The following XYLT1 variants were observed in gnomAD, a reference collection of about 807,000 sequenced individuals.
XYLT1 encodes xylosyltransferase 1.
In XYLT1, 36 loss-of-function variants were observed where a neutral mutation model predicts 91.3. The ratio of observed to expected loss-of-function variants is 0.39; its 90% CI spans 0.30 to 0.52. The LOEUF (loss-of-function observed/expected upper bound fraction) is 0.52. XYLT1 is among the 20% of genes least tolerant of loss of function. XYLT1 has a pLI of 0.68. For missense variants in XYLT1, 1,242 were observed against 1,284.5 expected (o/e 0.97, Z 0.51); for synonymous variants, 588 against 532.0 (o/e 1.11, Z -1.45).
Position 17,104,128 on chromosome 16 carries a change from C to T in XYLT1, c.*4567G>A, listed in dbSNP as rs183507143. On this transcript the variant is annotated 3_prime_UTR_variant, in exon 12 of 12. Coordinates refer to ENST00000261381, the MANE Select transcript of XYLT1 (RefSeq NM_022166.4). ...ACTGAGGCAGAAGCAAACAGGACAT[C>T]CCGTGAGCCAGCACAGCTCTATGTG... 3 of 152,930 alleles carry T rather than the reference C, an allele frequency of 2.0e-5. No homozygotes were observed. Among genetic ancestry groups the T allele is most frequent in the East Asian group, 1.9e-4 (1 of 5,176 alleles). 9.5% of individuals were successfully genotyped at this position (152,930 alleles called of 1,614,324 possible). A position where few individuals can be genotyped will look rare whatever the true frequency, so the allele number is the denominator to read the frequency against.
At chr16:17,359,516 G>A (rs977917206) in intron 1 of XYLT1, among the ~76,000 whole-genome samples, 1 of 152,180 alleles carries the variant, frequency 6.6e-6, no homozygotes, top group African/African-American at 2.4e-5. Flanking sequence ...TTAGGAAGAG[G>A]AATTCGTCGT....
chr16:17,303,832 T>G (rs991688236), intron 2 of XYLT1, among the ~76,000 whole-genome samples: 3 of 152,188 alleles, frequency 2.0e-5, no homozygotes, highest in Admixed American at 6.5e-5. Context: ...AGATGAAGAT[T>G]TTTTTTCCCA....
chr16:17,273,009 C>G (rs1357346647), intron 2 of XYLT1, among the ~76,000 whole-genome samples: 1 of 152,124 alleles, frequency 6.6e-6, no homozygotes, highest in Non-Finnish European at 1.5e-5. Context: ...CATCAGAAAC[C>G]CAGCAGGACA....
intron 1 of XYLT1, among the ~76,000 whole-genome samples, chr16:17,443,571 T>G (rs1223994664): frequency 3.9e-5 from 6 of 152,226 alleles, no homozygotes; most frequent in African/African-American, 1.4e-4. Context: ...TATGCGGAAC[T>G]GTGAGTCAAT....
rs540282676 is a variant in XYLT1, at chr16:17,125,472, A to G, written c.2223+2194T>C. On this transcript the variant is annotated intron_variant, in intron 10 of 11. Coordinates refer to ENST00000261381, the MANE Select transcript of XYLT1 (RefSeq NM_022166.4). Reference sequence around the variant, plus strand: ...AGTTTCCTTCTCACTTGCTGCACCCAGTACATTGGTCTCCCTGCAACTCGA... The same window carrying G: ...AGTTTCCTTCTCACTTGCTGCACCCGGTACATTGGTCTCCCTGCAACTCGA... Among the ~76,000 whole-genome samples, 10 of 152,158 alleles carry G rather than the reference A, an allele frequency of 6.6e-5. No homozygotes were observed. The East Asian group carries it at 1.2e-3, about 18-fold the overall frequency.
intron 2 of XYLT1, among the ~76,000 whole-genome samples, chr16:17,314,371 C>T (rs977785884): frequency 3.3e-5 from 5 of 152,126 alleles, no homozygotes; most frequent in Admixed American, 6.5e-5. Flanking sequence ...GTCAGCCCAC[C>T]CCGCTGCACG....
At chr16:17,437,714 C>A (rs4438291) in intron 1 of XYLT1, among the ~76,000 whole-genome samples, 14,200 of 152,050 alleles carry the variant, frequency 0.093, 750 homozygotes, top group Middle Eastern at 0.16. Flanking sequence ...TCCCCATGCA[C>A]CAATTACAGA....
intron 1 of XYLT1, among the ~76,000 whole-genome samples, chr16:17,445,245 C>T (rs2036577698): frequency 6.6e-6 from 1 of 152,138 alleles, no homozygotes; most frequent in African/African-American, 2.4e-5. Flanking sequence ...ATCTTCCTGC[C>T]TCAGCCTCCC....
At chr16:17,221,311 G>A (rs976076437) in intron 3 of XYLT1, among the ~76,000 whole-genome samples, 1 of 152,174 alleles carries the variant, frequency 6.6e-6, no homozygotes, top group Admixed American at 6.5e-5. Flanking sequence ...ACAAAAGCCA[G>A]CATTTTTTTA....
At chr16:17,170,486 G>T (rs181430405) in intron 5 of XYLT1, among the ~76,000 whole-genome samples, 1 of 152,296 alleles carries the variant, frequency 6.6e-6, no homozygotes, top group East Asian at 1.9e-4. Flanking sequence ...CAGCACAACT[G>T]TGTTGCAGGA....
At chr16:17,441,117 G>A (rs184021530) in intron 1 of XYLT1, among the ~76,000 whole-genome samples, 2 of 151,870 alleles carry the variant, frequency 1.3e-5, no homozygotes, top group African/African-American at 4.8e-5. Flanking sequence ...CCAGGCTGGA[G>A]TGCCTCAGCT....
At chr16:17,215,306 C>T (rs575625272) in intron 3 of XYLT1, among the ~76,000 whole-genome samples, 1 of 152,296 alleles carries the variant, frequency 6.6e-6, no homozygotes, top group Non-Finnish European at 1.5e-5. Flanking sequence ...CACCACTGCA[C>T]TCCAGCACGG....
chr16:17,383,159 C>A (rs918528668), intron 1 of XYLT1, among the ~76,000 whole-genome samples: 1 of 151,790 alleles, frequency 6.6e-6, no homozygotes, highest in Non-Finnish European at 1.5e-5. Context: ...AGGGACAGAC[C>A]GTTCCTTCTA....
chr16:17,403,906 C>A (rs1035624350), intron 1 of XYLT1, among the ~76,000 whole-genome samples: 1 of 152,204 alleles, frequency 6.6e-6, no homozygotes, highest in Admixed American at 6.5e-5. Flanking sequence ...CAGCTTGAAA[C>A]GCTGGACTTG....
intron 1 of XYLT1, among the ~76,000 whole-genome samples, chr16:17,383,656 G>A (rs1408721694): frequency 2.0e-5 from 3 of 151,866 alleles, no homozygotes; most frequent in Non-Finnish European, 4.4e-5. Flanking sequence ...AGACTAGTGA[G>A]TATCCCTCAA....
intron 2 of XYLT1, among the ~76,000 whole-genome samples, chr16:17,319,193 A>G (rs1036856599): frequency 3.3e-5 from 5 of 152,182 alleles, no homozygotes; most frequent in Non-Finnish European, 2.9e-5. Flanking sequence ...TTTATTGGGA[A>G]GGGCTTACTT....
intron 2 of XYLT1, among the ~76,000 whole-genome samples, chr16:17,323,188 A>G (rs149747901): frequency 3.3e-5 from 5 of 152,300 alleles, no homozygotes; most frequent in Admixed American, 2.6e-4. Context: ...TTGAGTTCTA[A>G]TTGATTTTCT....
intron 2 of XYLT1, among the ~76,000 whole-genome samples, chr16:17,349,845 C>T (rs1345904138): frequency 6.6e-6 from 1 of 151,954 alleles, no homozygotes; most frequent in African/African-American, 2.4e-5. Context: ...AATGAAACAT[C>T]TATTCAGTGT....
At chr16:17,315,879 G>A (rs2034623028) in intron 2 of XYLT1, among the ~76,000 whole-genome samples, 1 of 152,128 alleles carries the variant, frequency 6.6e-6, no homozygotes, top group Admixed American at 6.5e-5. Flanking sequence ...TCCCTGGTAG[G>A]AGGTCCTTAC....
Sources: allele counts gnomAD v4.1 joint callset (sites outside exome capture counted in the v4.1 genomes callset), GRCh38; gene constraint gnomAD v4.1.1; transcripts MANE v1.5; gene names NCBI Gene and HGNC (gene_info 2026-07-23, HGNC 2026-07-21).